DYRK3: variants seen among roughly 807,000 people sequenced by gnomAD.
The protein encoded by DYRK3 is dual specificity tyrosine phosphorylation regulated kinase 3, also known as dual specificity tyrosine-phosphorylation-regulated kinase 3.
DYRK3 carries 30 observed loss-of-function variants against 40.8 expected under a neutral mutation model. That is an observed-to-expected ratio of 0.74 (90% CI 0.55 to 1.00). The LOEUF (loss-of-function observed/expected upper bound fraction) is 1.00. Ranked by LOEUF, DYRK3 falls within the 50% of genes least tolerant of loss-of-function variation. The pLI is 0.00. For synonymous variants in DYRK3, 272 were observed against 260.7 expected (o/e 1.04, Z -0.42); for missense variants, 699 against 731.5 (o/e 0.96, Z 0.51).
chr1:206,651,191 T>C lies in DYRK3; in HGVS notation c.*2226T>C, dbSNP rs1460340543. ...CTGCTCATAACCCATCCTCCTCTTC[T>C]TTATTCATCACTGCCTTCTTCAAGG... On this transcript the variant is annotated 3_prime_UTR_variant, in exon 3 of 3. Transcript: ENST00000367109. Among the ~76,000 whole-genome samples the C allele has an allele frequency of 1.3e-5, 2 of 152,218 alleles. No individual in the cohort carries two copies. The highest frequency in any genetic ancestry group is 2.4e-5 in the African/African-American group (1 of 41,474).
chr1:206,648,716 C>CG lies in DYRK3; in HGVS notation c.1518_1519insG (p.Pro507AlafsTer17). 1 of 1,613,972 alleles carries CG rather than the reference C, an allele frequency of 6.2e-7. No homozygotes were observed. The highest frequency in any genetic ancestry group is 1.3e-5 in the African/African-American group (1 of 75,036). ...TCTTGAAAAGGTGTCTTCACTGGGACCCCTCTGCCCGCTTGACCCCAGCTC... is the reference window on the plus strand; with the variant it reads ...TCTTGAAAAGGTGTCTTCACTGGGACGCCCTCTGCCCGCTTGACCCCAGCTC... On this transcript the variant is annotated frameshift_variant, in exon 3 of 3. Transcript: ENST00000367109. LOFTEE classifies it high-confidence loss of function.
At position 206,651,971 on chromosome 1, in the gene DYRK3, G is replaced by A. The variant is rs1671642825; in HGVS notation, c.*3006G>A. On this transcript the variant is annotated 3_prime_UTR_variant, in exon 3 of 3. Coordinates refer to ENST00000367109, the MANE Select transcript of DYRK3 (RefSeq NM_003582.4). ...GGCTTGATGTATTTCTTGGGCTCTG[G>A]TACCACATCATAGAGTTGGTTAAAT... Among the ~76,000 whole-genome samples the A allele has an allele frequency of 6.6e-6, 1 of 152,206 alleles. No homozygotes were observed. Among genetic ancestry groups the A allele is most frequent in the South Asian group, 2.1e-4 (1 of 4,836 alleles).
chr1:206,640,760 C>T (rs1223996525), intron 2 of DYRK3, among the ~76,000 whole-genome samples: 1 of 151,982 alleles, frequency 6.6e-6, no homozygotes, highest in Non-Finnish European at 1.5e-5. Context: ...TCGTGTTAGC[C>T]AGGATGGTCT....
Position 206,635,606 on chromosome 1 carries a change from G to A in DYRK3, c.-98G>A, listed in dbSNP as rs1553418128. On this transcript the variant is annotated 5_prime_UTR_variant, in exon 1 of 3. Coordinates refer to ENST00000367109, the MANE Select transcript of DYRK3 (RefSeq NM_003582.4). ...AGTGTCTGGTCGAGAGTACCCGTGG[G>A]AGCGTCGCGCCGCGGAGGCAGCCGT... 1.1e-5 allele frequency: 14 copies of A among 1,225,396 alleles called. No homozygotes were observed. Among genetic ancestry groups the A allele is most frequent in the African/African-American group, 1.6e-5 (1 of 64,234 alleles). The allele number at this position is 1,225,396 out of a possible 1,614,324, so 75.9% of individuals were successfully genotyped here. A position where few individuals can be genotyped will look rare whatever the true frequency, so the allele number is the denominator to read the frequency against.
Position 206,651,467 on chromosome 1 carries a change from A to AG in DYRK3, c.*2503dup, listed in dbSNP as rs1553421317. Among the ~76,000 whole-genome samples the AG allele has an allele frequency of 6.6e-6, 1 of 152,242 alleles. No homozygotes were observed. Among genetic ancestry groups the AG allele is most frequent in the Non-Finnish European group, 1.5e-5 (1 of 68,040 alleles). On this transcript the variant is annotated 3_prime_UTR_variant, in exon 3 of 3. Transcript: ENST00000367109. ...GATGATTTCTCTGCCAACTCCAGGA[A>AG]GTAGTACAGCATGATTGAATCCTTC...
intron 2 of DYRK3, among the ~76,000 whole-genome samples, chr1:206,643,915 T>G (rs548434555): frequency 7.2e-5 from 11 of 152,190 alleles, no homozygotes; most frequent in African/African-American, 2.7e-4. Flanking sequence ...TTATAGTTGG[T>G]GAAATTATTA....
At chr1:206,645,740 TG>T (rs1553420021) in intron 2 of DYRK3, among the ~76,000 whole-genome samples, 1 of 151,484 alleles carries the variant, frequency 6.6e-6, no homozygotes, top group African/African-American at 2.4e-5. Context: ...TTGGCCAGCC[TG>T]GTCTCAAACT....
chr1:206,644,787 G>C (rs572561194), intron 2 of DYRK3, among the ~76,000 whole-genome samples: 1 of 152,024 alleles, frequency 6.6e-6, no homozygotes, highest in Non-Finnish European at 1.5e-5. Context: ...TGATCCACCC[G>C]CCTCGGCCTT....
rs1035060251 is a variant in DYRK3, at chr1:206,652,863, G to A, written c.*3898G>A. Among the ~76,000 whole-genome samples the A allele has an allele frequency of 3.9e-5, 6 of 152,148 alleles. No individual in the cohort carries two copies. Among genetic ancestry groups the A allele is most frequent in the Non-Finnish European group, 8.8e-5 (6 of 68,026 alleles). ...CTGTCTCTTCCTCAGTTACTGGATTGTTCTTTAGCCATTTTTCTTCTAGTC... is the reference window on the plus strand; with the variant it reads ...CTGTCTCTTCCTCAGTTACTGGATTATTCTTTAGCCATTTTTCTTCTAGTC... On this transcript the variant is annotated 3_prime_UTR_variant, in exon 3 of 3. Transcript: ENST00000367109.
Position 206,651,852 on chromosome 1 carries a change from C to A in DYRK3, c.*2887C>A, listed in dbSNP as rs1380052818. Among the ~76,000 whole-genome samples the A allele has an allele frequency of 4.6e-5, 7 of 152,184 alleles. No homozygotes were observed. The highest frequency in any genetic ancestry group is 2.1e-4 in the South Asian group (1 of 4,828). On this transcript the variant is annotated 3_prime_UTR_variant, in exon 3 of 3. Coordinates refer to ENST00000367109, the MANE Select transcript of DYRK3 (RefSeq NM_003582.4). ...TAAATTAGAGAAAATGCTACTTTTA[C>A]TATTTTGCATTTTATATCAACATTA... is the stretch of plus-strand genomic sequence containing the variant.
intron 1 of DYRK3, chr1:206,636,152 C>A: frequency 9.5e-7 from 1 of 1,050,170 alleles, no homozygotes; most frequent in Non-Finnish European, 1.4e-6. Flanking sequence ...AGCCCTGTTG[C>A]TTAGAGCGGA....
chr1:206,648,548 C>T lies in DYRK3; in HGVS notation c.1350C>T (p.Arg450=). 1.9e-6 allele frequency: 3 copies of T among 1,614,190 alleles called. No individual in the cohort carries two copies. Among genetic ancestry groups the T allele is most frequent in the Non-Finnish European group, 2.5e-6 (3 of 1,180,032 alleles). The change falls in exon 3 of 3, where the codon CGC becomes CGT. Residue 450 remains arginine (R), a synonymous_variant. Coordinates refer to ENST00000367109, the MANE Select transcript of DYRK3 (RefSeq NM_003582.4). ...KYFINSKGIP[R]YCSVTTQADG... ...TTATTAATTCCAAGGGCATACCCCG[C>T]TACTGCTCTGTGACTACCCAGGCAG...
chr1:206,649,187 A>T lies in DYRK3; in HGVS notation c.*222A>T. 1 of 505,770 alleles carries T rather than the reference A, an allele frequency of 2.0e-6. No individual in the cohort carries two copies. The allele number at this position is 505,770 out of a possible 1,614,324, so 31.3% of individuals were successfully genotyped here. A position where few individuals can be genotyped will look rare whatever the true frequency, so the allele number is the denominator to read the frequency against. On this transcript the variant is annotated 3_prime_UTR_variant, in exon 3 of 3. Transcript: ENST00000367109. ...GAATATGCATTAAATGACTTTTTAT[A>T]GGTCAATGCATCTTTGTTATTATCG...
rs989906020 is a variant in DYRK3 at position 206,653,571 on chromosome 1, T to C, written c.*4606T>C. Among the ~76,000 whole-genome samples, 2 of 152,226 alleles carry C rather than the reference T, an allele frequency of 1.3e-5. No homozygotes were observed. Among genetic ancestry groups the C allele is most frequent in the Non-Finnish European group, 2.9e-5 (2 of 68,036 alleles). On this transcript the variant is annotated 3_prime_UTR_variant, in exon 3 of 3. Coordinates refer to ENST00000367109, the MANE Select transcript of DYRK3 (RefSeq NM_003582.4). Reference sequence around the variant, plus strand: ...CATTTCCTTCCATGAACCAGGAGCATGCTCGCCTCTTCTTTTAAGTTGACC... The same window carrying C: ...CATTTCCTTCCATGAACCAGGAGCACGCTCGCCTCTTCTTTTAAGTTGACC...
chr1:206,637,779 T>C lies in DYRK3; in HGVS notation c.189+18T>C, dbSNP rs1553418613. ...GACTAAATGTAAGTAAAAGAAGTCATTCTTTGTACATGAATTGTTTTGGAA... is the reference window on the plus strand; with the variant it reads ...GACTAAATGTAAGTAAAAGAAGTCACTCTTTGTACATGAATTGTTTTGGAA... On this transcript the variant is annotated intron_variant, in intron 2 of 2. Coordinates refer to ENST00000367109, the MANE Select transcript of DYRK3 (RefSeq NM_003582.4). 5 of 1,579,856 alleles carry C rather than the reference T, an allele frequency of 3.2e-6. No individual in the cohort carries two copies. The highest frequency in any genetic ancestry group is 1.1e-5 in the South Asian group (1 of 90,220).
At chr1:206,647,297 G>T in intron 2 of DYRK3, 91 bp from the exon 3 acceptor site, 1 of 1,289,386 alleles carries the variant, frequency 7.8e-7, no homozygotes, top group South Asian at 1.5e-5. Context: ...AACATGACTG[G>T]ACATGTTTTG....
chr1:206,639,959 G>A (rs538391394), intron 2 of DYRK3, among the ~76,000 whole-genome samples: 2 of 118,274 alleles, frequency 1.7e-5, no homozygotes, highest in South Asian at 5.3e-4. Flanking sequence ...TTTTGAGACC[G>A]AGTCTCGCTC....
At position 206,640,974 on chromosome 1, in the gene DYRK3, T is replaced by C. The variant is rs190428116; in HGVS notation, c.189+3213T>C. 3.9e-4 allele frequency among the ~76,000 whole-genome samples: 59 copies of C among 152,352 alleles called. 1 individual carries two copies. Among genetic ancestry groups the C allele is most frequent in the African/African-American group, 1.2e-3 (49 of 41,588 alleles). On this transcript the variant is annotated intron_variant, in intron 2 of 2. Coordinates refer to ENST00000367109, the MANE Select transcript of DYRK3 (RefSeq NM_003582.4). ...AAATAAAACATGATAAATATGACAT[T>C]ATTCATGTCTCTGGATATAATTACA...
chr1:206,648,171 G>C lies in DYRK3; in HGVS notation c.973G>C (p.Ala325Pro), dbSNP rs1671517637. ...FAQSILQSLD[A>P]LHKNKIIHCD... ...CCAGTCCATCTTGCAATCTTTGGAT[G>C]CCCTCCACAAAAATAAGATTATTCA... Residue 325 changes from alanine (A) to proline (P), a missense_variant, in exon 3 of 3, where the codon GCC becomes CCC. Coordinates refer to ENST00000367109, the MANE Select transcript of DYRK3 (RefSeq NM_003582.4). The C allele has an allele frequency of 6.2e-7, 1 of 1,614,092 alleles. No individual in the cohort carries two copies. The highest frequency in any genetic ancestry group is 8.5e-7 in the Non-Finnish European group (1 of 1,180,012).
Sources: gnomAD v4.1 joint callset for allele counts (sites outside exome capture counted in the v4.1 genomes callset) on GRCh38, gnomAD v4.1.1 for gene constraint, MANE v1.5 for transcripts, NCBI Gene and HGNC (gene_info 2026-07-23, HGNC 2026-07-21) for gene names.